ZNF446: variants seen among roughly 807,000 people sequenced by gnomAD.
The protein encoded by ZNF446 is zinc finger protein with KRAB and SCAN domains 20.
A neutral mutation model predicts 34.0 loss-of-function variants in ZNF446; 42 were observed. The ratio of observed to expected loss-of-function variants is 1.23; its 90% CI spans 0.96 to 1.60. ZNF446 has a LOEUF of 1.60. ZNF446 is among the 40% of genes most tolerant of loss of function. The probability of loss-of-function intolerance (pLI) is 0.00; values close to 1 mark genes in which losing one functional copy is unlikely to be tolerated. For synonymous variants in ZNF446, 315 were observed against 251.0 expected, an observed-to-expected ratio of 1.25 and a Z score of -2.41; for missense variants, 650 against 600.2, an observed-to-expected ratio of 1.08 and a Z score of -0.87.
At chr19:58,485,076 A>G (rs993274164), downstream of ZNF446, among the ~76,000 whole-genome samples, 1 of 152,188 alleles carries the variant, frequency 6.6e-6, no homozygotes, top group African/African-American at 2.4e-5. Context: ...CACATTTTAT[A>G]TGATCCAACA....
downstream of ZNF446, among the ~76,000 whole-genome samples, chr19:58,482,445 C>G (rs150899479): frequency 1.3e-5 from 2 of 152,238 alleles, no homozygotes; most frequent in Non-Finnish European, 2.9e-5. Flanking sequence ...CTCCTTCCTA[C>G]TCTGAAAACA....
downstream of ZNF446, among the ~76,000 whole-genome samples, chr19:58,482,002 G>A (rs144573869): frequency 5.6e-4 from 86 of 152,228 alleles, no homozygotes; most frequent in African/African-American, 1.9e-3. Flanking sequence ...CACCGTGTTA[G>A]CCAGGATGGT....
chr19:58,477,023 T>C (rs2053092222), intron 1 of ZNF446, among the ~76,000 whole-genome samples, 156 bp from the exon 2 acceptor site: 2 of 152,146 alleles, frequency 1.3e-5, no homozygotes, highest in Admixed American at 1.3e-4. Context: ...GTTTGGGTCC[T>C]GTGACCCTCC....
At chr19:58,479,489 C>A in intron 4 of ZNF446, 154 bp from the exon 5 acceptor site, 1 of 759,300 alleles carries the variant, frequency 1.3e-6, no homozygotes, top group Non-Finnish European at 2.1e-6. Flanking sequence ...AACCTCTGCA[C>A]TTAACAAACA....
At position 58,477,341 on chromosome 19, in the gene ZNF446, A is replaced by C. The variant is rs771194597; in HGVS notation, c.123A>C (p.Arg41=). ...GCTACCAGGAGGTGGCAGGTCCCCG[A>C]GAAGCCCTGGCCCGGCTGCGTGAGC... is the stretch of plus-strand genomic sequence containing the variant. ...GFCYQEVAGP[R]EALARLRELC... The change falls in exon 2 of 7, where the codon CGA becomes CGC. Residue 41 remains arginine, a synonymous_variant. Transcript: ENST00000594369. 28 of 1,613,204 alleles carry C rather than the reference A, an allele frequency of 1.7e-5. 1 individual carries two copies. The South Asian group carries it at 3.0e-4, about 17-fold the overall frequency.
chr19:58,484,311 AT>A (rs1036010403), downstream of ZNF446, among the ~76,000 whole-genome samples: 7 of 148,138 alleles, frequency 4.7e-5, no homozygotes, highest in African/African-American at 7.5e-5. Context: ...ATTAAAAAAA[AT>A]TTTTTTAGCT....
downstream of ZNF446, among the ~76,000 whole-genome samples, chr19:58,482,690 G>A (rs1375300507): frequency 1.3e-5 from 2 of 152,152 alleles, no homozygotes; most frequent in African/African-American, 2.4e-5. Flanking sequence ...CTTTTATGAG[G>A]GCCTTCTAAC....
In ZNF446 at chr19:58,477,283, C is replaced by T; in HGVS notation, c.65C>T (p.Pro22Leu). The T allele has an allele frequency of 1.2e-6, 2 of 1,612,148 alleles. No homozygotes were observed. Among genetic ancestry groups the T allele is most frequent in the Non-Finnish European group, 1.7e-6 (2 of 1,179,436 alleles). Residue 22 changes from proline (P) to leucine (L), a missense_variant, in exon 2 of 7, where the codon CCT (proline) becomes CTT (leucine). Physicochemically the swap from Pro to Leu is moderately conservative, Grantham distance 98. Coordinates refer to ENST00000594369, the MANE Select transcript of ZNF446 (RefSeq NM_017908.4). ...GACCCAGAGACCACCCTTGAGGAGC[C>T]TGAGACTGCCCGCCTCCGCTTCCGA... is the stretch of plus-strand genomic sequence containing the variant. ...VMDPETTLEEPETARLRFRGF... is the reference protein window; with the variant it reads ...VMDPETTLEELETARLRFRGF...
chr19:58,488,745 G>T, the ZNF446 span, among the ~76,000 whole-genome samples: 5 of 151,154 alleles, frequency 3.3e-5, no homozygotes, highest in Non-Finnish European at 5.9e-5. Flanking sequence ...CAGCTACTTG[G>T]GAGGCTGAGG....
At chr19:58,488,068 A>G in the ZNF446 span, among the ~76,000 whole-genome samples, 1 of 149,376 alleles carries the variant, frequency 6.7e-6, no homozygotes, top group Non-Finnish European at 1.5e-5. Context: ...GCCCGTGACC[A>G]CACACCCTGT....
In ZNF446 at chr19:58,478,133, T is replaced by TG; in HGVS notation, c.581dup (p.His195ThrfsTer76). 6.2e-7 allele frequency: 1 copy of TG among 1,614,030 alleles called. No individual in the cohort carries two copies. The highest frequency in any genetic ancestry group is 1.1e-5 in the South Asian group (1 of 91,074). On this transcript the variant is annotated frameshift_variant, in exon 4 of 7. Transcript: ENST00000594369. LOFTEE classifies it high-confidence loss of function. ...CAGCACAGTCCCCTGAGGGGAACCA[T>TG]GGACACCAAGAACCAGCCTCCACAT...
At chr19:58,487,086 T>C in the ZNF446 span, among the ~76,000 whole-genome samples, 25 of 152,120 alleles carry the variant, frequency 1.6e-4, no homozygotes, top group Admixed American at 2.6e-4. Context: ...CCACTGCGCC[T>C]GGCCGAAAAT....
Position 58,480,828 on chromosome 19 carries a change from G to C in ZNF446, c.*102G>C. The C allele has an allele frequency of 7.2e-7, 1 of 1,394,850 alleles. No homozygotes were observed. The highest frequency in any genetic ancestry group is 1.3e-5 in the South Asian group (1 of 75,600). The allele number at this position is 1,394,850 out of a possible 1,614,324, so 86.4% of individuals were successfully genotyped here. A position where few individuals can be genotyped will look rare whatever the true frequency, so the allele number is the denominator to read the frequency against. On this transcript the variant is annotated 3_prime_UTR_variant, in exon 7 of 7. Coordinates refer to ENST00000594369, the MANE Select transcript of ZNF446 (RefSeq NM_017908.4). The surrounding 1 kb of genome is among the most constrained non-coding windows in gnomAD (Gnocchi z 7.2). ...ACTCTGGAGGCAGCAGGGGATGCCA[G>C]AGTGAACAAGGGGTCCCAAGCCAGT...
Position 58,480,959 on chromosome 19 carries a change from C to A in ZNF446, c.*233C>A. ...CCTAGAGGGAGGTCTGGGTTCCCTT[C>A]TATGGCTGACCAGTGCCTGTGGGGT... On this transcript the variant is annotated 3_prime_UTR_variant, in exon 7 of 7. Transcript: ENST00000594369. The surrounding 1 kb of genome is among the most constrained non-coding windows in gnomAD (Gnocchi z 7.2). The A allele has an allele frequency of 1.7e-6, 1 of 579,306 alleles. No individual in the cohort carries two copies. The highest frequency in any genetic ancestry group is 3.0e-6 in the Non-Finnish European group (1 of 329,250). The allele number at this position is 579,306 out of a possible 1,614,324, so 35.9% of individuals were successfully genotyped here. A position where few individuals can be genotyped will look rare whatever the true frequency, so the allele number is the denominator to read the frequency against.
rs777534977 is a variant in ZNF446 at position 58,477,182 on chromosome 19, C to G, written c.-37C>G. The stretch of plus-strand genomic sequence containing the variant: ...TCCGACCCTTCCTTTTCTGTAGGCC[C>G]ATCTTGACGATTCCAAGACCACCCC... On this transcript the variant is annotated 5_prime_UTR_variant, in exon 2 of 7. Transcript: ENST00000594369. The G allele has an allele frequency of 2.3e-5, 34 of 1,489,294 alleles. No homozygotes were observed. The highest frequency in any genetic ancestry group is 1.7e-4 in the Admixed American group (8 of 46,944). The allele number at this position is 1,489,294 out of a possible 1,614,324, so 92.3% of individuals were successfully genotyped here.
At chr19:58,482,750 G>C (rs1379986613), downstream of ZNF446, among the ~76,000 whole-genome samples, 1 of 152,160 alleles carries the variant, frequency 6.6e-6, no homozygotes, top group Non-Finnish European at 1.5e-5. Flanking sequence ...TTTGGAGATG[G>C]AGCTGGGGGT....
At chr19:58,485,843 T>C (rs1338566921), downstream of ZNF446, among the ~76,000 whole-genome samples, 3 of 152,124 alleles carry the variant, frequency 2.0e-5, no homozygotes, top group African/African-American at 7.2e-5. Flanking sequence ...ACTTCTCAAA[T>C]TGCTGGGATT....
In ZNF446 at chr19:58,479,683, A is replaced by ACTTGGGGCTGCTCAC; in HGVS notation, c.670_671insTGGGGCTGCTCACCT (p.Tyr223_Trp224insLeuGlyLeuLeuThr). The ACTTGGGGCTGCTCAC allele has an allele frequency of 6.2e-7, 1 of 1,613,870 alleles. No individual in the cohort carries two copies. Among genetic ancestry groups the ACTTGGGGCTGCTCAC allele is most frequent in the Non-Finnish European group, 8.5e-7 (1 of 1,179,950 alleles). On this transcript the variant is annotated inframe_insertion, in exon 5 of 7. Coordinates refer to ENST00000594369, the MANE Select transcript of ZNF446 (RefSeq NM_017908.4). ...CTGGACCGGTCACAGAAGGAACTGT[A>ACTTGGGGCTGCTCAC]CTGGGATGCGATGCTGGAGAAGTAC...
chr19:58,489,166 C>A, the ZNF446 span, among the ~76,000 whole-genome samples: 1 of 152,184 alleles, frequency 6.6e-6, no homozygotes, highest in Admixed American at 6.6e-5. Context: ...ACCAGATGGC[C>A]TTTGTAGGAC....
Sources: gnomAD v4.1 joint callset for allele counts (sites outside exome capture counted in the v4.1 genomes callset) on GRCh38, gnomAD v4.1.1 for gene constraint, Gnocchi (gnomAD v3.1) non-coding constraint, MANE v1.5 for transcripts, NCBI Gene and HGNC (gene_info 2026-07-23, HGNC 2026-07-21) for gene names.